Variants in TRPM3 observed in about 807,000 individuals in gnomAD.
TRPM3 encodes long transient receptor potential channel 3.
Under a neutral mutation model 181.2 loss-of-function variants are expected in TRPM3, and 77 were observed. That is an observed-to-expected ratio of 0.42 (90% CI 0.35 to 0.51). TRPM3 has a LOEUF of 0.51. Among genes scored for constraint, TRPM3 ranks in the 20% least tolerant of loss-of-function variants. The pLI, the probability that TRPM3 is intolerant of heterozygous loss-of-function variation, is 0.01. For missense variants in TRPM3, 1,759 were observed against 2,196.7 expected (o/e 0.80, Z 3.98); for synonymous variants, 745 against 796.4 (o/e 0.94, Z 1.09).
chr9:71,351,819 T>A (rs1280992797), intron 1 of TRPM3, among the ~76,000 whole-genome samples: 1 of 151,102 alleles, frequency 6.6e-6, no homozygotes, highest in African/African-American at 2.4e-5. Context: ...GGAGAGGCAA[T>A]AAGAAGGTAG....
chr9:70,950,091 C>A (rs908560530), intron 1 of TRPM3, among the ~76,000 whole-genome samples: 1 of 152,170 alleles, frequency 6.6e-6, no homozygotes, highest in African/African-American at 2.4e-5. Context: ...CCTCCCTTCA[C>A]AGTCATGATA....
chr9:71,186,131 C>CA (rs2077664328), intron 1 of TRPM3, among the ~76,000 whole-genome samples: 1 of 152,018 alleles, frequency 6.6e-6, no homozygotes, highest in African/African-American at 2.4e-5. Flanking sequence ...TCAACCTTCA[C>CA]AGGACCATCT....
At chr9:71,374,248 C>T (rs529638250) in intron 1 of TRPM3, among the ~76,000 whole-genome samples, 1 of 152,094 alleles carries the variant, frequency 6.6e-6, no homozygotes, top group South Asian at 2.1e-4. Flanking sequence ...GTGGCACGTG[C>T]CTGTAATCCC....
chr9:70,865,208 T>C (rs558503082), intron 1 of TRPM3: 2 of 152,222 alleles, frequency 1.3e-5, no homozygotes, highest in African/African-American at 4.8e-5. Context: ...GAATGGGCTC[T>C]GTTGGGTCCA....
At chr9:71,221,265 T>G (rs2080222750) in intron 1 of TRPM3, among the ~76,000 whole-genome samples, 1 of 152,192 alleles carries the variant, frequency 6.6e-6, no homozygotes, top group Non-Finnish European at 1.5e-5. Flanking sequence ...CCAAAAACAT[T>G]TGCAATCTGG....
chr9:71,356,551 G>T (rs2091905980), intron 1 of TRPM3, among the ~76,000 whole-genome samples: 1 of 152,078 alleles, frequency 6.6e-6, no homozygotes, highest in African/African-American at 2.4e-5. Flanking sequence ...ACTTCACTTA[G>T]CTAAGCCTGT....
intron 1 of TRPM3, among the ~76,000 whole-genome samples, chr9:71,311,700 T>G (rs1019367662): frequency 1.3e-5 from 2 of 151,880 alleles, no homozygotes; most frequent in East Asian, 3.9e-4. Context: ...AGATCAGAGG[T>G]GTCCAATCTT....
intron 8 of TRPM3, among the ~76,000 whole-genome samples, chr9:70,740,793 T>C (rs2073902787): frequency 1.3e-5 from 2 of 152,180 alleles, no homozygotes; most frequent in African/African-American, 4.8e-5. Context: ...TCTCATCTCT[T>C]ACCTTATACA....
chr9:71,307,197 A>T (rs1280973461), intron 1 of TRPM3, among the ~76,000 whole-genome samples: 1 of 152,164 alleles, frequency 6.6e-6, no homozygotes, highest in East Asian at 1.9e-4. Context: ...ATGTGACCTG[A>T]CGATACATAT....
chr9:70,680,919 A>G (rs1271903807), intron 9 of TRPM3, among the ~76,000 whole-genome samples: 1 of 152,202 alleles, frequency 6.6e-6, no homozygotes, highest in Non-Finnish European at 1.5e-5. Context: ...TTGGGACTAG[A>G]GAATAGGACA....
intron 1 of TRPM3, among the ~76,000 whole-genome samples, chr9:71,328,370 G>A (rs540997846): frequency 6.6e-6 from 1 of 152,208 alleles, no homozygotes; most frequent in Non-Finnish European, 1.5e-5. Flanking sequence ...GTTTCACCGT[G>A]TTAGCCAGGA....
intron 1 of TRPM3, among the ~76,000 whole-genome samples, chr9:71,306,125 T>G (rs1011941287): frequency 6.6e-6 from 1 of 152,148 alleles, no homozygotes; most frequent in African/African-American, 2.4e-5. Context: ...AGCAGAAATG[T>G]AGAGAGCACA....
intron 8 of TRPM3, among the ~76,000 whole-genome samples, chr9:70,692,835 G>A (rs1337117958): frequency 6.6e-6 from 1 of 152,104 alleles, no homozygotes; most frequent in Non-Finnish European, 1.5e-5. Context: ...TACTGGAGGA[G>A]CAAATGAAAT....
intron 5 of TRPM3, among the ~76,000 whole-genome samples, chr9:70,842,193 C>T (rs962682594): frequency 6.6e-6 from 1 of 151,646 alleles, no homozygotes; most frequent in Admixed American, 6.6e-5. Flanking sequence ...ACAGTCTGTC[C>T]CATTTAGGTA....
chr9:71,117,728 A>G (rs1296422232), intron 1 of TRPM3, among the ~76,000 whole-genome samples: 2 of 152,188 alleles, frequency 1.3e-5, no homozygotes, highest in Non-Finnish European at 2.9e-5. Context: ...GAGCAAACTC[A>G]TATGATTTCT....
intron 1 of TRPM3, among the ~76,000 whole-genome samples, chr9:71,182,894 T>C (rs1331194095): frequency 1.3e-5 from 2 of 152,068 alleles, no homozygotes; most frequent in Non-Finnish European, 2.9e-5. Flanking sequence ...ACTCCTGACC[T>C]CAGATTATCC....
At chr9:71,195,037 A>T (rs2078260643) in intron 1 of TRPM3, among the ~76,000 whole-genome samples, 1 of 151,910 alleles carries the variant, frequency 6.6e-6, no homozygotes. Flanking sequence ...CATCACATTA[A>T]AGAATATCGT....
At chr9:70,826,830 A>C (rs2093585372) in intron 6 of TRPM3, 1 of 152,230 alleles carries the variant, frequency 6.6e-6, no homozygotes, top group Admixed American at 6.5e-5. Flanking sequence ...TAATTACCAC[A>C]AAGTTTGAGC....
At chr9:71,100,565 A>G (rs564713716) in intron 1 of TRPM3, among the ~76,000 whole-genome samples, 1 of 152,300 alleles carries the variant, frequency 6.6e-6, no homozygotes, top group South Asian at 2.1e-4. Context: ...TAATATAAGT[A>G]AAATGTATAA....
Sources: gnomAD v4.1 joint callset for allele counts (sites outside exome capture counted in the v4.1 genomes callset) on GRCh38, gnomAD v4.1.1 for gene constraint, MANE v1.5 for transcripts, NCBI Gene and HGNC (gene_info 2026-07-23, HGNC 2026-07-21) for gene names.